The following DENND5B variants were observed in gnomAD, a reference collection of about 807,000 sequenced individuals.
DENND5B encodes DENN domain containing 5B, also known as DENN domain-containing protein 5B.
DENND5B carries 34 observed loss-of-function variants against 140.6 expected under a neutral mutation model. The observed-to-expected ratio is 0.24, with a 90% confidence interval of 0.18 to 0.32. The LOEUF is 0.32. Among genes scored for constraint, DENND5B ranks in the 10% least tolerant of loss-of-function variants. DENND5B has a pLI of 1.00. For missense variants in DENND5B, 1,142 were observed against 1,560.2 expected (o/e 0.73, Z 4.52); for synonymous variants, 551 against 562.1 (o/e 0.98, Z 0.28).
intron 6 of DENND5B, among the ~76,000 whole-genome samples, chr12:31,446,892 A>C (rs1565586197): frequency 6.6e-6 from 1 of 151,572 alleles, no homozygotes; most frequent in Non-Finnish European, 1.5e-5. Flanking sequence ...GCCTCAAAAA[A>C]AAAAAAAAGA....
intron 2 of DENND5B, among the ~76,000 whole-genome samples, chr12:31,490,625 A>AAT (rs1946488794): frequency 1.3e-5 from 2 of 151,244 alleles, no homozygotes; most frequent in African/African-American, 4.9e-5. Context: ...AAAAAAAAAA[A>AAT]TTTTATTGTG....
At chr12:31,538,544 C>G (rs945029792) in intron 1 of DENND5B, among the ~76,000 whole-genome samples, 1 of 152,000 alleles carries the variant, frequency 6.6e-6, no homozygotes, top group Non-Finnish European at 1.5e-5. Flanking sequence ...AAAGCAAGAG[C>G]AAACCAAACC....
At chr12:31,473,217 C>T (rs1945638876) in intron 3 of DENND5B, among the ~76,000 whole-genome samples, 1 of 152,222 alleles carries the variant, frequency 6.6e-6, no homozygotes, top group Non-Finnish European at 1.5e-5. Context: ...GGATTACAGG[C>T]AGGAGCCATT....
At chr12:31,562,291 T>C (rs1013525221) in intron 1 of DENND5B, among the ~76,000 whole-genome samples, 4 of 152,104 alleles carry the variant, frequency 2.6e-5, no homozygotes, top group East Asian at 1.9e-4. Context: ...TACTACAGAA[T>C]TGCTTTCTAA....
rs189676417 is a variant in DENND5B, at chr12:31,386,748, A to G, written c.*855T>C. 2.6e-5 allele frequency: 4 copies of G among 152,372 alleles called. No homozygotes were observed. Among genetic ancestry groups the G allele is most frequent in the Admixed American group, 2.6e-4 (4 of 15,298 alleles). The allele number at this position is 152,372 out of a possible 1,614,324, so 9.4% of individuals were successfully genotyped here. A position where few individuals can be genotyped will look rare whatever the true frequency, so the allele number is the denominator to read the frequency against. On this transcript the variant is annotated 3_prime_UTR_variant, in exon 21 of 21. Transcript: ENST00000389082. ...GTTTAGATGGCCAAATTAAAAGTAC[A>G]GAATCAAATTGCTGTTTGCAGTTCT...
At chr12:31,531,753 G>A (rs1246400824) in intron 1 of DENND5B, among the ~76,000 whole-genome samples, 1 of 152,132 alleles carries the variant, frequency 6.6e-6, no homozygotes, top group Non-Finnish European at 1.5e-5. Flanking sequence ...CTTAAATACT[G>A]ACGGACCCTG....
chr12:31,551,161 G>A (rs945210630), intron 1 of DENND5B, among the ~76,000 whole-genome samples: 12 of 152,060 alleles, frequency 7.9e-5, no homozygotes, highest in African/African-American at 2.9e-4. Context: ...GAATGGTATT[G>A]CCTAGGTTTT....
intron 11 of DENND5B, among the ~76,000 whole-genome samples, chr12:31,420,951 T>A (rs1392861471): frequency 6.6e-6 from 1 of 152,248 alleles, no homozygotes; most frequent in Non-Finnish European, 1.5e-5. Flanking sequence ...CTCTGACTCC[T>A]GTTTAGTGCT....
intron 1 of DENND5B, among the ~76,000 whole-genome samples, chr12:31,581,713 G>C: frequency 9.7e-6 from 1 of 103,228 alleles, no homozygotes; most frequent in Admixed American, 9.6e-5. Context: ...AAAAAAAAAA[G>C]TAGCTTTTCT....
chr12:31,480,302 C>T, intron 2 of DENND5B, 47 bp from the exon 3 acceptor site: 1 of 1,403,284 alleles, frequency 7.1e-7, no homozygotes, highest in Non-Finnish European at 9.2e-7. Flanking sequence ...ACACAAATAA[C>T]TTCAAGCCAG....
chr12:31,501,469 A>C (rs759813332), intron 1 of DENND5B, among the ~76,000 whole-genome samples: 34 of 152,220 alleles, frequency 2.2e-4, no homozygotes, highest in Non-Finnish European at 3.7e-4. Context: ...ATATTAAGTA[A>C]AAACTAAAGA....
intron 1 of DENND5B, among the ~76,000 whole-genome samples, chr12:31,552,233 G>A (rs890726759): frequency 7.9e-5 from 12 of 152,234 alleles, no homozygotes; most frequent in Non-Finnish European, 1.2e-4. Flanking sequence ...TTTGAGATAC[G>A]TCCCATCAAC....
At chr12:31,494,138 T>TTCTATCTATCTATCTATCTATCTA (rs58109707) in intron 2 of DENND5B, among the ~76,000 whole-genome samples, 1 of 139,748 alleles carries the variant, frequency 7.2e-6, no homozygotes. Context: ...TCTCTCTATC[T>TTCTATCTATCTATCTATCTATCTA]TCTATCTATC....
intron 2 of DENND5B, among the ~76,000 whole-genome samples, chr12:31,495,440 G>A (rs188750051): frequency 1.6e-3 from 240 of 148,750 alleles, no homozygotes; most frequent in Admixed American, 2.6e-3. Flanking sequence ...GTGCAGTGGC[G>A]TGATCACGGC....
intron 11 of DENND5B, among the ~76,000 whole-genome samples, chr12:31,418,419 CA>C (rs770497211): frequency 6.6e-6 from 1 of 151,126 alleles, no homozygotes; most frequent in Non-Finnish European, 1.5e-5. Context: ...GCTGGGATTA[CA>C]GGTGCATGCC....
intron 4 of DENND5B, among the ~76,000 whole-genome samples, chr12:31,456,002 G>C (rs1944760550): frequency 6.6e-6 from 1 of 151,116 alleles, no homozygotes; most frequent in African/African-American, 2.4e-5. Flanking sequence ...CCAGGCGACA[G>C]AGTGAGACTC....
At chr12:31,587,479 C>A (rs1473067550) in intron 1 of DENND5B, among the ~76,000 whole-genome samples, 1 of 147,674 alleles carries the variant, frequency 6.8e-6, no homozygotes, top group African/African-American at 2.5e-5. Context: ...GAATCTGAGT[C>A]CTTCCTGCTG....
chr12:31,425,576 GAAAGA>G (rs1943193261), intron 9 of DENND5B, among the ~76,000 whole-genome samples: 1 of 152,118 alleles, frequency 6.6e-6, no homozygotes, highest in Non-Finnish European at 1.5e-5. Context: ...CCAAAAAATG[GAAAGA>G]AAATGGAAAT....
chr12:31,583,386 T>G (rs749133363), intron 1 of DENND5B, among the ~76,000 whole-genome samples: 3 of 150,726 alleles, frequency 2.0e-5, no homozygotes, highest in Non-Finnish European at 4.4e-5. Flanking sequence ...ATAAAGAATT[T>G]AGCACAGTGG....
Sources: gnomAD v4.1 joint callset for allele counts (sites outside exome capture counted in the v4.1 genomes callset) on GRCh38, gnomAD v4.1.1 for gene constraint, MANE v1.5 for transcripts, NCBI Gene and HGNC (gene_info 2026-07-23, HGNC 2026-07-21) for gene names.